Variants in LRRC4C observed in about 807,000 individuals in gnomAD.
The protein encoded by LRRC4C is leucine rich repeat containing 4C.
LRRC4C carries 5 observed loss-of-function variants against 33.6 expected under a neutral mutation model. That is an observed-to-expected ratio of 0.15 (90% CI 0.08 to 0.31). The LOEUF (loss-of-function observed/expected upper bound fraction) is 0.31, where lower values mean the gene tolerates loss of function less well. Among genes scored for constraint, LRRC4C ranks in the 10% least tolerant of loss-of-function variants. The pLI is 1.00. For synonymous variants in LRRC4C, 329 were observed against 302.0 expected (o/e 1.09, Z -0.93); for missense variants, 560 against 796.7 (o/e 0.70, Z 3.58).
chr11:41,360,049 G>T (rs1214808556), intron 1 of LRRC4C, among the ~76,000 whole-genome samples: 1 of 152,126 alleles, frequency 6.6e-6, no homozygotes, highest in Non-Finnish European at 1.5e-5. Context: ...TGGGCACAGT[G>T]GTGCACACTT....
intron 3 of LRRC4C, among the ~76,000 whole-genome samples, chr11:40,580,474 G>A (rs75537935): frequency 0.023 from 3,534 of 152,212 alleles, 144 homozygotes; most frequent in African/African-American, 0.08. Context: ...AATTCGAGAC[G>A]CAATTTGGGT....
chr11:40,279,364 G>A (rs918312937), intron 4 of LRRC4C, among the ~76,000 whole-genome samples: 4 of 152,034 alleles, frequency 2.6e-5, no homozygotes, highest in African/African-American at 4.8e-5. Context: ...CCAAACTACA[G>A]CGCTATACAG....
rs1199226858 is a variant in LRRC4C, at chr11:40,744,656, A to G, written c.-406-96378T>C. Among the ~76,000 whole-genome samples the G allele has an allele frequency of 2.6e-5, 4 of 152,130 alleles. 1 individual carries two copies. The highest frequency in any genetic ancestry group is 5.9e-5 in the Non-Finnish European group (4 of 68,002). On this transcript the variant is annotated intron_variant, in intron 2 of 6. Transcript: ENST00000528697. The stretch of plus-strand genomic sequence containing the variant: ...AAATGTTTCTGGGATGAATGAATAA[A>G]CAACCCTATGCATGGTGTTATTCTG...
intron 1 of LRRC4C, among the ~76,000 whole-genome samples, chr11:41,440,822 A>T (rs1195640867): frequency 6.6e-6 from 1 of 152,180 alleles, no homozygotes; most frequent in Non-Finnish European, 1.5e-5. Context: ...GCCACCATGT[A>T]AAATTGTCCT....
chr11:40,610,490 C>T (rs978630219), intron 3 of LRRC4C, among the ~76,000 whole-genome samples: 2 of 151,698 alleles, frequency 1.3e-5, no homozygotes, highest in Admixed American at 6.6e-5. Context: ...ACTCTCACCA[C>T]ATCTATTAAA....
At chr11:41,070,657 T>G (rs1438828141) in intron 1 of LRRC4C, among the ~76,000 whole-genome samples, 2 of 151,766 alleles carry the variant, frequency 1.3e-5, no homozygotes, top group African/African-American at 4.8e-5. Flanking sequence ...CCAAGAAACA[T>G]GAAAAAAAGC....
chr11:40,815,268 G>A (rs1951660698), intron 2 of LRRC4C, among the ~76,000 whole-genome samples: 1 of 152,116 alleles, frequency 6.6e-6, no homozygotes, highest in Non-Finnish European at 1.5e-5. Context: ...AAAACCATCA[G>A]ATTTTGTGAG....
At chr11:40,656,978 T>C (rs1943154674) in intron 2 of LRRC4C, among the ~76,000 whole-genome samples, 1 of 152,248 alleles carries the variant, frequency 6.6e-6, no homozygotes, top group Admixed American at 6.5e-5. Flanking sequence ...CTGCTTTTGT[T>C]CATTTTAAGT....
chr11:41,077,761 A>T (rs551291738), intron 1 of LRRC4C, among the ~76,000 whole-genome samples: 1 of 152,162 alleles, frequency 6.6e-6, no homozygotes, highest in South Asian at 2.1e-4. Context: ...AGCAGGCTTA[A>T]ATTTCTTCTC....
chr11:40,431,394 C>CAA (rs572317927), intron 3 of LRRC4C, among the ~76,000 whole-genome samples: 10,563 of 125,224 alleles, frequency 0.084, 600 homozygotes, highest in Admixed American at 0.13. Flanking sequence ...GACTCTGTCT[C>CAA]AAAAAAAAAA....
At chr11:40,282,308 G>A (rs1387107282) in intron 4 of LRRC4C, among the ~76,000 whole-genome samples, 1 of 152,100 alleles carries the variant, frequency 6.6e-6, no homozygotes, top group African/African-American at 2.4e-5. Flanking sequence ...TCGCACCACT[G>A]CACTCCAGCC....
At position 40,405,141 on chromosome 11, in the gene LRRC4C, CT is replaced by C. The variant is rs534979546; in HGVS notation, c.-269-85421del. Among the ~76,000 whole-genome samples the C allele has an allele frequency of 2.9e-3, 422 of 145,428 alleles. 2 individuals are homozygous for C. Among genetic ancestry groups the C allele is most frequent in the South Asian group, 0.012 (57 of 4,590 alleles). ...TGTATTCTCTCTACATATATTTGAA[CT>C]TTTTTTTTTTTTAAAGATTCTACAT... On this transcript the variant is annotated intron_variant, in intron 3 of 6. Transcript: ENST00000528697.
At chr11:40,373,482 T>G (rs756645690) in intron 3 of LRRC4C, among the ~76,000 whole-genome samples, 4 of 152,014 alleles carry the variant, frequency 2.6e-5, no homozygotes, top group Non-Finnish European at 5.9e-5. Context: ...ATTAAAAAAC[T>G]CAATAGGAAA....
At chr11:41,400,277 G>T (rs941243867) in intron 1 of LRRC4C, among the ~76,000 whole-genome samples, 3 of 151,914 alleles carry the variant, frequency 2.0e-5, no homozygotes, top group African/African-American at 7.2e-5. Flanking sequence ...TGCATATAAC[G>T]TGTTGAGCTC....
Position 40,699,221 on chromosome 11 carries a change from G to A in LRRC4C, c.-406-50943C>T, listed in dbSNP as rs187079343. On this transcript the variant is annotated intron_variant, in intron 2 of 6. Coordinates refer to ENST00000528697, the MANE Select transcript of LRRC4C (RefSeq NM_001258419.2). Reference sequence around the variant, plus strand: ...TTAAAAATTATAAGGAATATGTAGCGAATTTTCTTTATTCTCTTGATAGTC... The same window carrying A: ...TTAAAAATTATAAGGAATATGTAGCAAATTTTCTTTATTCTCTTGATAGTC... 1.4e-3 allele frequency among the ~76,000 whole-genome samples: 214 copies of A among 152,236 alleles called. 1 individual carries two copies. The highest frequency in any genetic ancestry group is 5.0e-3 in the African/African-American group (207 of 41,534).
intron 1 of LRRC4C, among the ~76,000 whole-genome samples, chr11:41,320,598 C>T (rs889648984): frequency 3.3e-5 from 5 of 152,126 alleles, no homozygotes; most frequent in Non-Finnish European, 5.9e-5. Context: ...CAAATCAGTT[C>T]GACCTCCATA....
rs111478448 is a variant in LRRC4C, at chr11:41,166,929, T to C, written c.-495-233206A>G. ...GTACTAACACAACCCCTCTCCCCCA[T>C]ACAAACTGAAGCTTAGAAAGGCTAA... On this transcript the variant is annotated intron_variant, in intron 1 of 6. Coordinates refer to ENST00000528697, the MANE Select transcript of LRRC4C (RefSeq NM_001258419.2). Among the ~76,000 whole-genome samples, 1,201 of 152,240 alleles carry C rather than the reference T, an allele frequency of 7.9e-3. 13 individuals carry two copies. The highest frequency in any genetic ancestry group is 0.027 in the African/African-American group (1,103 of 41,544).
intron 3 of LRRC4C, among the ~76,000 whole-genome samples, chr11:40,457,592 G>T (rs1952197508): frequency 6.6e-6 from 1 of 151,958 alleles, no homozygotes; most frequent in South Asian, 2.1e-4. Flanking sequence ...ATCACCTCTG[G>T]CCCAGAAAAC....
intron 2 of LRRC4C, among the ~76,000 whole-genome samples, chr11:40,844,911 C>A (rs1202843722): frequency 3.3e-5 from 5 of 151,966 alleles, no homozygotes; most frequent in Admixed American, 6.6e-5. Context: ...TTTGACTAAG[C>A]CATTCCACAA....
Sources: allele counts gnomAD v4.1 joint callset (sites outside exome capture counted in the v4.1 genomes callset), GRCh38; gene constraint gnomAD v4.1.1; transcripts MANE v1.5; gene names NCBI Gene and HGNC (gene_info 2026-07-23, HGNC 2026-07-21).